The following PGBD2 variants were observed in gnomAD, a reference collection of about 807,000 sequenced individuals.
The protein encoded by PGBD2 is piggyBac transposable element-derived protein 2.
Under a neutral mutation model 8.1 loss-of-function variants are expected in PGBD2, and 6 were observed. That is an observed-to-expected ratio of 0.74 (90% CI 0.40 to 1.46). The LOEUF (loss-of-function observed/expected upper bound fraction) is 1.46. Ranked by LOEUF, PGBD2 falls within the 40% of genes most tolerant of loss-of-function variation. The pLI is 0.02. For missense variants in PGBD2, 802 were observed against 739.0 expected (o/e 1.09, Z -0.99); for synonymous variants, 318 against 272.2 (o/e 1.17, Z -1.66).
chr1:248,907,822 C>T (rs1661713238), intron 1 of PGBD2, among the ~76,000 whole-genome samples: 1 of 152,208 alleles, frequency 6.6e-6, no homozygotes, highest in African/African-American at 2.4e-5. Context: ...AGCAATTGTT[C>T]AAGGTACAGG....
Position 248,907,068 on chromosome 1 carries a change from C to T in PGBD2, c.-48+726C>T, listed in dbSNP as rs568962435. 3.9e-5 allele frequency among the ~76,000 whole-genome samples: 6 copies of T among 152,202 alleles called. No homozygotes were observed. In the South Asian group the frequency reaches 8.3e-4, roughly 21 times the overall value. ...GCATACCAAGGACTTGCACCAGCAC[C>T]GGTCTCTGAGTTCCCTCAGTTTTTA... On this transcript the variant is annotated intron_variant, in intron 1 of 2. Transcript: ENST00000329291.
rs959826898 is a variant in PGBD2 at position 248,919,096 on chromosome 1, A to G, written c.*733A>G. ...TGTCCTTTGTGTTTCAAACAATCCA[A>G]TTATACTGTTAGTTATTTTAAAATG... On this transcript the variant is annotated 3_prime_UTR_variant, in exon 3 of 3. Transcript: ENST00000329291. The G allele has an allele frequency of 4.2e-5, 7 of 167,026 alleles. No individual in the cohort carries two copies. Among genetic ancestry groups the G allele is most frequent in the African/African-American group, 1.7e-4 (7 of 41,448 alleles). 10.3% of individuals were successfully genotyped at this position (167,026 alleles called of 1,614,324 possible).
At chr1:248,898,342 A>G in the PGBD2 span, among the ~76,000 whole-genome samples, 1 of 152,174 alleles carries the variant, frequency 6.6e-6, no homozygotes, top group African/African-American at 2.4e-5. Context: ...AATCAGGTCA[A>G]TGTTCCTCTG....
At position 248,917,605 on chromosome 1, in the gene PGBD2, C is replaced by T. The variant is rs372354893; in HGVS notation, c.1021C>T (p.Arg341Cys). The T allele has an allele frequency of 1.7e-5, 27 of 1,613,984 alleles. No homozygotes were observed. The South Asian group carries it at 1.8e-4, about 10-fold the overall frequency. The change falls in exon 3 of 3, where the codon CGT (arginine) becomes TGT (cysteine). Residue 341 changes from arginine (R) to cysteine (C), a missense_variant. By Grantham distance (180) the Arg-to-Cys change is radical (BLOSUM62 -3). Coordinates refer to ENST00000329291, the MANE Select transcript of PGBD2 (RefSeq NM_170725.3). ...AAAATTTGTGGATGCGCTTCAGGAG[C>T]GTGGTTTTCTGCCATATCACATATT... ...VIKFVDALQE[R>C]GFLPYHIFFD...
At chr1:248,924,716 C>T (rs957777525), downstream of PGBD2, among the ~76,000 whole-genome samples, 4 of 152,218 alleles carry the variant, frequency 2.6e-5, no homozygotes, top group African/African-American at 4.8e-5. Context: ...GTTTCTGTCT[C>T]TTTAACTGAG....
chr1:248,891,087 G>A, the PGBD2 span, among the ~76,000 whole-genome samples: 7 of 152,166 alleles, frequency 4.6e-5, no homozygotes, highest in African/African-American at 1.7e-4. Context: ...TGGTAACATA[G>A]ACATACACTC....
rs750765347 is a variant in PGBD2, at chr1:248,918,069, C to T, written c.1485C>T (p.Leu495=). ...TTGGCTATGTCATTGATGCTGCCCT[C>T]AACAATGCATGGCAGCTGCATAGAA... The part of the protein sequence containing the change: ...SFIGYVIDAA[L]NNAWQLHRIC... The change falls in exon 3 of 3, where the codon CTC becomes CTT. Residue 495 remains leucine (L), a synonymous_variant. Transcript: ENST00000329291. 5.0e-6 allele frequency: 8 copies of T among 1,614,200 alleles called. No homozygotes were observed. The highest frequency in any genetic ancestry group is 5.9e-6 in the Non-Finnish European group (7 of 1,180,034).
chr1:248,903,861 G>A (rs6587761), upstream of PGBD2, among the ~76,000 whole-genome samples: 31,953 of 152,142 alleles, frequency 0.21, 9,740 homozygotes, highest in African/African-American at 0.67. Context: ...AAACTTTAAT[G>A]TAGTCAGCAA....
intron 1 of PGBD2, among the ~76,000 whole-genome samples, chr1:248,911,646 C>T (rs990751790): frequency 5.4e-5 from 8 of 147,798 alleles, no homozygotes; most frequent in South Asian, 2.1e-4. Flanking sequence ...ACCTCCCAGA[C>T]GGGGCGGCTG....
chr1:248,889,205 C>T, the PGBD2 span, among the ~76,000 whole-genome samples: 8 of 151,796 alleles, frequency 5.3e-5, no homozygotes, highest in Non-Finnish European at 1.0e-4. Context: ...GCCAACATGG[C>T]GAAACCCCAT....
chr1:248,917,111 C>G lies in PGBD2; in HGVS notation c.527C>G (p.Ala176Gly). ...AAAAATGTCAATTTGAGTCTTACGGCTCAGGAATTGAAGTGTGTTTTGGGC... is the reference window on the plus strand; with the variant it reads ...AAAAATGTCAATTTGAGTCTTACGGGTCAGGAATTGAAGTGTGTTTTGGGC... ...WQKNVNLSLT[A>G]QELKCVLGIL... Residue 176 changes from alanine to glycine, a missense_variant, in exon 3 of 3, where the codon GCT becomes GGT. Coordinates refer to ENST00000329291, the MANE Select transcript of PGBD2 (RefSeq NM_170725.3). 1 of 1,613,970 alleles carries G rather than the reference C, an allele frequency of 6.2e-7. No individual in the cohort carries two copies. The highest frequency in any genetic ancestry group is 8.5e-7 in the Non-Finnish European group (1 of 1,180,000).
At chr1:248,877,576 G>A in the PGBD2 span, among the ~76,000 whole-genome samples, 1 of 152,148 alleles carries the variant, frequency 6.6e-6, no homozygotes, top group African/African-American at 2.4e-5. Flanking sequence ...GGTAAAACAG[G>A]TTATGGGAGG....
At chr1:248,906,918 A>AG (rs1416727640) in intron 1 of PGBD2, among the ~76,000 whole-genome samples, 4 of 152,032 alleles carry the variant, frequency 2.6e-5, no homozygotes, top group Admixed American at 6.6e-5. Context: ...TGTTGGGTGA[A>AG]GGGGTGGCCT....
the PGBD2 span, among the ~76,000 whole-genome samples, chr1:248,885,089 T>G: frequency 1.3e-5 from 2 of 152,134 alleles, no homozygotes; most frequent in East Asian, 3.8e-4. Context: ...GCAGTCCCCT[T>G]GGCCACAAGG....
the PGBD2 span, among the ~76,000 whole-genome samples, chr1:248,926,540 G>C: frequency 2.0e-5 from 3 of 152,132 alleles, no homozygotes; most frequent in Non-Finnish European, 4.4e-5. Flanking sequence ...TTTTGGTCTA[G>C]TTTTATCAAC....
At chr1:248,883,727 G>A in the PGBD2 span, among the ~76,000 whole-genome samples, 8 of 151,354 alleles carry the variant, frequency 5.3e-5, no homozygotes, top group East Asian at 1.6e-3. Flanking sequence ...CTTCCAAGTA[G>A]TTGGTACTAC....
chr1:248,876,362 C>T, the PGBD2 span, among the ~76,000 whole-genome samples: 5,878 of 152,084 alleles, frequency 0.039, 378 homozygotes, highest in African/African-American at 0.13. Context: ...GATTTGTAAA[C>T]GAATCTTCAT....
At chr1:248,882,625 A>T in the PGBD2 span, among the ~76,000 whole-genome samples, 1 of 152,194 alleles carries the variant, frequency 6.6e-6, no homozygotes, top group African/African-American at 2.4e-5. Flanking sequence ...TATCTTATCC[A>T]TATGGACAGG....
intron 1 of PGBD2, among the ~76,000 whole-genome samples, chr1:248,912,039 G>T (rs1176798503): frequency 6.6e-6 from 1 of 152,132 alleles, no homozygotes; most frequent in Non-Finnish European, 1.5e-5. Flanking sequence ...ACTTGAATCA[G>T]CTGTCCAGGT....
Sources: gnomAD v4.1 joint callset for allele counts (sites outside exome capture counted in the v4.1 genomes callset) on GRCh38, gnomAD v4.1.1 for gene constraint, MANE v1.5 for transcripts, NCBI Gene and HGNC (gene_info 2026-07-23, HGNC 2026-07-21) for gene names.